The following ZNF90 variants were observed in gnomAD, a reference collection of about 807,000 sequenced individuals.
ZNF90 encodes the protein zinc finger protein 90, also known as zinc finger protein HTF9.
In ZNF90, 11 loss-of-function variants were observed where a neutral mutation model predicts 12.0. The observed-to-expected ratio is 0.92, with a 90% CI of 0.58 to 1.52. ZNF90 has a LOEUF of 1.52. Among genes scored for constraint, ZNF90 ranks in the 40% most tolerant of loss-of-function variants. The pLI, the probability that ZNF90 is intolerant of heterozygous loss-of-function variation, is 0.00. For missense variants in ZNF90, 765 were observed against 711.5 expected, an observed-to-expected ratio of 1.08 and a Z score of -0.86; for synonymous variants, 232 against 240.1, an observed-to-expected ratio of 0.97 and a Z score of 0.31.
chr19:20,113,555 T>C (rs1345714618), intron 3 of ZNF90, among the ~76,000 whole-genome samples: 2 of 151,630 alleles, frequency 1.3e-5, no homozygotes, highest in Admixed American at 6.6e-5. Context: ...TCTTGCCGTG[T>C]GCGGTGGCTC....
chr19:20,085,283 G>T (rs1599639803), intron 1 of ZNF90, among the ~76,000 whole-genome samples: 1 of 50,074 alleles, frequency 2.0e-5, no homozygotes, highest in South Asian at 5.8e-4. Flanking sequence ...TTTTTTAGAC[G>T]GAGTCTCGCT....
rs2089188258 is a variant in ZNF90, at chr19:20,120,771, T to A, written c.*1411T>A. 1.3e-5 allele frequency: 2 copies of A among 152,190 alleles called. No individual in the cohort carries two copies. The highest frequency in any genetic ancestry group is 2.4e-5 in the African/African-American group (1 of 41,444). The allele number at this position is 152,190 out of a possible 1,614,324, so 9.4% of individuals were successfully genotyped here. ...AAAAGGTTTTTTGAAGCATTGTAAT[T>A]ACATTGAAAGTATACTTGCTTTCTT... On this transcript the variant is annotated 3_prime_UTR_variant, in exon 4 of 4. Transcript: ENST00000418063.
At chr19:20,087,929 C>G (rs2088872303) in intron 1 of ZNF90, among the ~76,000 whole-genome samples, 1 of 151,914 alleles carries the variant, frequency 6.6e-6, no homozygotes, top group Non-Finnish European at 1.5e-5. Context: ...CCAGGATGAG[C>G]CAGGAAAAGG....
intron 3 of ZNF90, among the ~76,000 whole-genome samples, chr19:20,113,188 CTTTTT>C (rs1277788253): frequency 6.8e-6 from 1 of 146,794 alleles, no homozygotes; most frequent in Non-Finnish European, 1.5e-5. Context: ...ATTTTTTTTT[CTTTTT>C]TTTTTCTCCT....
intron 3 of ZNF90, among the ~76,000 whole-genome samples, chr19:20,117,013 T>TTGTGTGTGTGTG (rs371655051): frequency 0.013 from 1,666 of 128,544 alleles, 44 homozygotes; most frequent in African/African-American, 0.052. Flanking sequence ...CAACTTACAT[T>TTGTGTGTGTGTG]TGTGTGTGTG....
chr19:20,103,673 T>G (rs2089007559), intron 1 of ZNF90, among the ~76,000 whole-genome samples: 1 of 152,240 alleles, frequency 6.6e-6, no homozygotes, highest in African/African-American at 2.4e-5. Context: ...GAAGGCTCTT[T>G]GTTTACAGGC....
intron 1 of ZNF90, among the ~76,000 whole-genome samples, chr19:20,082,967 GAT>G (rs2088831644): frequency 6.6e-6 from 1 of 152,190 alleles, no homozygotes. Flanking sequence ...TAATGCACCA[GAT>G]ATGTTTATGT....
chr19:20,118,450 T>C lies in ZNF90; in HGVS notation c.896T>C (p.Ile299Thr). ...KCGRAFISSS[I>T]LYVHKISHTE... ...GGCAGAGCATTTATTTCATCCTCGATCCTTTATGTACATAAGATAAGTCAT... is the reference window on the plus strand; with the variant it reads ...GGCAGAGCATTTATTTCATCCTCGACCCTTTATGTACATAAGATAAGTCAT... The change falls in exon 4 of 4, where the codon ATC (isoleucine) becomes ACC (threonine). Residue 299 changes from isoleucine to threonine, a missense_variant. Transcript: ENST00000418063. 1 of 1,612,174 alleles carries C rather than the reference T, an allele frequency of 6.2e-7. No individual in the cohort carries two copies. Among genetic ancestry groups the C allele is most frequent in the Non-Finnish European group, 8.5e-7 (1 of 1,179,234 alleles).
In ZNF90 at chr19:20,120,255, T is replaced by G. The variant is rs1280248368; in HGVS notation, c.*895T>G. Among the ~76,000 whole-genome samples the G allele has an allele frequency of 1.3e-5, 2 of 152,204 alleles. No homozygotes were observed. The highest frequency in any genetic ancestry group is 2.4e-5 in the African/African-American group (1 of 41,436). ...TCACATCTTACCCAACAGAAGGTGG[T>G]TCACAGTTAATGAAAGCATTTAAAG... On this transcript the variant is annotated 3_prime_UTR_variant, in exon 4 of 4. Transcript: ENST00000418063.
chr19:20,089,772 G>A (rs1459196565), intron 1 of ZNF90, among the ~76,000 whole-genome samples: 2 of 152,180 alleles, frequency 1.3e-5, no homozygotes, highest in Non-Finnish European at 1.5e-5. Context: ...GAAGTTCGGA[G>A]GTGTAGGGAG....
intron 1 of ZNF90, among the ~76,000 whole-genome samples, chr19:20,094,383 G>A (rs2088925896): frequency 6.6e-6 from 1 of 152,216 alleles, no homozygotes; most frequent in Admixed American, 6.5e-5. Context: ...CGGCCTTCTG[G>A]CCCCTCTGGG....
At chr19:20,113,286 G>A (rs572097641) in intron 3 of ZNF90, among the ~76,000 whole-genome samples, 34 of 151,934 alleles carry the variant, frequency 2.2e-4, no homozygotes, top group African/African-American at 8.2e-4. Flanking sequence ...TGCCTCCTGG[G>A]TTCAAGCCCT....
At chr19:20,097,262 G>A (rs782361701) in intron 1 of ZNF90, among the ~76,000 whole-genome samples, 1 of 152,174 alleles carries the variant, frequency 6.6e-6, no homozygotes, top group South Asian at 2.1e-4. Flanking sequence ...TACCAGACAT[G>A]ATATAAACAC....
chr19:20,096,007 G>C (rs1433633738), intron 1 of ZNF90, among the ~76,000 whole-genome samples: 3 of 151,482 alleles, frequency 2.0e-5, no homozygotes, highest in Admixed American at 1.3e-4. Flanking sequence ...TTCCCAGTCC[G>C]TGACCGGTGC....
chr19:20,082,980 A>G (rs1425640231), intron 1 of ZNF90, among the ~76,000 whole-genome samples: 1 of 152,144 alleles, frequency 6.6e-6, no homozygotes, highest in African/African-American at 2.4e-5. Flanking sequence ...ATGTTTATGT[A>G]TGTGCACATC....
At chr19:20,084,263 G>C (rs1335639349) in intron 1 of ZNF90, among the ~76,000 whole-genome samples, 1 of 151,694 alleles carries the variant, frequency 6.6e-6, no homozygotes, top group African/African-American at 2.4e-5. Flanking sequence ...CACCATATTG[G>C]TCAGGCTGGT....
intron 3 of ZNF90, among the ~76,000 whole-genome samples, chr19:20,109,718 A>G (rs2089070222): frequency 6.6e-6 from 1 of 152,060 alleles, no homozygotes; most frequent in Non-Finnish European, 1.5e-5. Flanking sequence ...GTAAAAAAAA[A>G]AAAATTAATA....
At chr19:20,085,495 C>T (rs986859022) in intron 1 of ZNF90, among the ~76,000 whole-genome samples, 4 of 151,588 alleles carry the variant, frequency 2.6e-5, no homozygotes, top group Non-Finnish European at 5.9e-5. Flanking sequence ...CTCCTGACCT[C>T]GTGATCTGCC....
At chr19:20,087,032 G>A (rs2088864811) in intron 1 of ZNF90, 1 of 152,198 alleles carries the variant, frequency 6.6e-6, no homozygotes, top group Non-Finnish European at 1.5e-5. Flanking sequence ...GTTGCTTGAA[G>A]TTGTCAGATG....
Sources: allele counts gnomAD v4.1 joint callset (sites outside exome capture counted in the v4.1 genomes callset), GRCh38; gene constraint gnomAD v4.1.1; transcripts MANE v1.5; gene names NCBI Gene and HGNC (gene_info 2026-07-23, HGNC 2026-07-21).